The following DHX35 variants were observed in gnomAD, a reference collection of about 807,000 sequenced individuals.
The protein encoded by DHX35 is DEAH-box helicase 35.
Under a neutral mutation model 99.6 loss-of-function variants are expected in DHX35, and 84 were observed. The ratio of observed to expected loss-of-function variants is 0.84; its 90% confidence interval spans 0.71 to 1.01. The LOEUF is 1.01. Ranked by LOEUF, DHX35 falls within the 50% of genes least tolerant of loss-of-function variation. The pLI is 0.00. For synonymous variants in DHX35, 331 were observed against 316.2 expected (o/e 1.05, Z -0.50); for missense variants, 852 against 888.5 (o/e 0.96, Z 0.52).
At chr20:38,968,761 A>G (rs967439973) in intron 1 of DHX35, among the ~76,000 whole-genome samples, 1 of 152,160 alleles carries the variant, frequency 6.6e-6, no homozygotes, top group Non-Finnish European at 1.5e-5. Flanking sequence ...CTTGTTGCCC[A>G]GACTGGTCTC....
chr20:39,004,316 T>C (rs932343689), intron 11 of DHX35, among the ~76,000 whole-genome samples: 50 of 152,162 alleles, frequency 3.3e-4, no homozygotes, highest in African/African-American at 1.1e-3. Context: ...CCGCCCACCT[T>C]GGCCTCCCAA....
chr20:39,027,638 T>C (rs1482661491), intron 18 of DHX35, among the ~76,000 whole-genome samples: 1 of 152,240 alleles, frequency 6.6e-6, no homozygotes, highest in East Asian at 1.9e-4. Flanking sequence ...CTTACCAACA[T>C]GCTTTATTCC....
chr20:39,025,446 A>T, intron 18 of DHX35, 87 bp downstream of exon 18: 1 of 1,531,132 alleles, frequency 6.5e-7, no homozygotes, highest in Non-Finnish European at 8.9e-7. Context: ...GGCTGGTGCG[A>T]GGCAGTGTGG....
At chr20:38,996,696 A>G (rs551720145) in intron 8 of DHX35, among the ~76,000 whole-genome samples, 2 of 152,292 alleles carry the variant, frequency 1.3e-5, no homozygotes, top group South Asian at 2.1e-4. Flanking sequence ...AGAGAGAGAA[A>G]GCTTACCATA....
chr20:38,975,044 G>C (rs2086055360), intron 3 of DHX35, among the ~76,000 whole-genome samples: 1 of 152,168 alleles, frequency 6.6e-6, no homozygotes, highest in Non-Finnish European at 1.5e-5. Context: ...GTTGTTGACT[G>C]TTTGGTCCAG....
At chr20:39,017,430 A>G (rs1315358437) in intron 14 of DHX35, among the ~76,000 whole-genome samples, 1 of 152,214 alleles carries the variant, frequency 6.6e-6, no homozygotes, top group Non-Finnish European at 1.5e-5. Context: ...AGTGAGGATG[A>G]GAGAATGTTG....
At chr20:38,993,458 C>G (rs1045553721) in intron 7 of DHX35, among the ~76,000 whole-genome samples, 12 of 152,296 alleles carry the variant, frequency 7.9e-5, no homozygotes, top group African/African-American at 2.9e-4. Flanking sequence ...CTCCCAGGTT[C>G]AAGCGATTCT....
At chr20:38,980,283 A>G (rs779427114) in intron 3 of DHX35, among the ~76,000 whole-genome samples, 1 of 152,116 alleles carries the variant, frequency 6.6e-6, no homozygotes, top group Non-Finnish European at 1.5e-5. Flanking sequence ...ATGTGTCATG[A>G]CTTTGGTTTG....
At chr20:38,970,139 T>G (rs1033771154) in intron 2 of DHX35, among the ~76,000 whole-genome samples, 1 of 152,176 alleles carries the variant, frequency 6.6e-6, no homozygotes, top group Non-Finnish European at 1.5e-5. Context: ...TTCAGGCTGG[T>G]CACGAACCCC....
chr20:39,033,796 A>G (rs2145950634), intron 20 of DHX35, among the ~76,000 whole-genome samples: 1 of 152,342 alleles, frequency 6.6e-6, no homozygotes, highest in East Asian at 1.9e-4. Flanking sequence ...AAATTATACA[A>G]TATTGTTATC....
intron 2 of DHX35, among the ~76,000 whole-genome samples, chr20:38,970,823 A>G (rs1052884127): frequency 3.3e-5 from 5 of 151,914 alleles, no homozygotes; most frequent in African/African-American, 9.7e-5. Flanking sequence ...TACTTACAAG[A>G]TAACATAAAT....
At chr20:38,980,749 C>T (rs1293734877) in intron 3 of DHX35, among the ~76,000 whole-genome samples, 1 of 152,080 alleles carries the variant, frequency 6.6e-6, no homozygotes, top group African/African-American at 2.4e-5. Flanking sequence ...AGATCGAAAG[C>T]AGGCCATTAA....
intron 7 of DHX35, among the ~76,000 whole-genome samples, chr20:38,992,888 G>A (rs955862789): frequency 2.7e-4 from 41 of 152,068 alleles, no homozygotes; most frequent in Non-Finnish European, 5.4e-4. Flanking sequence ...AAGCACCCTT[G>A]TAATTGAATC....
At position 38,995,335 on chromosome 20, in the gene DHX35, G is replaced by A. The variant is rs193112442; in HGVS notation, c.642+455G>A. Among the ~76,000 whole-genome samples, 6 of 152,236 alleles carry A rather than the reference G, an allele frequency of 3.9e-5. No individual in the cohort carries two copies. The East Asian group carries it at 1.2e-3, about 29-fold the overall frequency. ...AGGTCAGGAGTTTGAGGCCAGCCTG[G>A]CCAACATGGTGAAACCCCGTCTCTA... On this transcript the variant is annotated intron_variant, in intron 8 of 21. Transcript: ENST00000252011.
At chr20:39,019,486 T>C (rs1054479843) in intron 15 of DHX35, among the ~76,000 whole-genome samples, 3 of 152,354 alleles carry the variant, frequency 2.0e-5, no homozygotes, top group East Asian at 1.9e-4. Context: ...TACACAAATA[T>C]CATTTTGAGT....
intron 21 of DHX35, 144 bp downstream of exon 21, chr20:39,034,461 A>G (rs1600460032): frequency 6.3e-6 from 4 of 638,134 alleles, no homozygotes; most frequent in Non-Finnish European, 5.5e-6. Flanking sequence ...CATATCCCCA[A>G]AACATTCTGG....
intron 12 of DHX35, 45 bp downstream of exon 12, chr20:39,006,401 G>T: frequency 6.3e-7 from 1 of 1,596,228 alleles, no homozygotes; most frequent in Non-Finnish European, 8.6e-7. Flanking sequence ...CTTATAGTCA[G>T]CCTGGGCAAC....
At chr20:39,011,094 T>G (rs1568746243) in intron 13 of DHX35, among the ~76,000 whole-genome samples, 1 of 152,076 alleles carries the variant, frequency 6.6e-6, no homozygotes, top group Non-Finnish European at 1.5e-5. Flanking sequence ...TAAGATAGAT[T>G]TTTATAAAAA....
At position 39,007,351 on chromosome 20, in the gene DHX35, G is replaced by A. The variant is rs369679454; in HGVS notation, c.1222+995G>A. Among the ~76,000 whole-genome samples, 77 of 152,328 alleles carry A rather than the reference G, an allele frequency of 5.1e-4. No individual in the cohort carries two copies. In the South Asian group the frequency reaches 0.014, roughly 29 times the overall value. On this transcript the variant is annotated intron_variant, in intron 12 of 21. Transcript: ENST00000252011. ...GGCCACAGTGACTGACAGTCTGGTG[G>A]TGGAGGTAGACCTCAAAACAGATCA... is the stretch of plus-strand genomic sequence containing the variant.
Sources: allele counts gnomAD v4.1 joint callset (sites outside exome capture counted in the v4.1 genomes callset), GRCh38; gene constraint gnomAD v4.1.1; transcripts MANE v1.5; gene names NCBI Gene and HGNC (gene_info 2026-07-23, HGNC 2026-07-21).